PCDHA7: variants seen among roughly 807,000 people sequenced by gnomAD.
The protein encoded by PCDHA7 is protocadherin alpha-7.
A neutral mutation model predicts 57.2 loss-of-function variants in PCDHA7; 37 were observed. The observed-to-expected ratio is 0.65, with a 90% CI of 0.50 to 0.85. PCDHA7 has a LOEUF of 0.85. Among genes scored for constraint, PCDHA7 ranks in the 40% least tolerant of loss-of-function variants. The pLI is 0.00. For synonymous variants in PCDHA7, 553 were observed against 558.8 expected (o/e 0.99, Z 0.15); for missense variants, 1,188 against 1,241.8 (o/e 0.96, Z 0.65).
chr5:140,841,992 G>A (rs2150327070), intron 1 of PCDHA7: 8 of 1,613,646 alleles, frequency 5.0e-6, no homozygotes, highest in South Asian at 4.4e-5. Context: ...GAGCTCACAG[G>A]CACTGTTCAG....
At chr5:140,904,547 T>C (rs1313461939) in intron 1 of PCDHA7, among the ~76,000 whole-genome samples, 1 of 152,116 alleles carries the variant, frequency 6.6e-6, no homozygotes, top group African/African-American at 2.4e-5. Flanking sequence ...ATCTTTTTCA[T>C]ATAATGACTT....
chr5:140,988,491 AGG>A (rs2097299997), intron 3 of PCDHA7, among the ~76,000 whole-genome samples: 1 of 152,182 alleles, frequency 6.6e-6, no homozygotes, highest in Non-Finnish European at 1.5e-5. Context: ...TCCCCTACCT[AGG>A]AGAAGCCATG....
intron 1 of PCDHA7, chr5:140,857,926 C>T (rs1351185942): frequency 1.3e-6 from 2 of 1,597,606 alleles, no homozygotes; most frequent in Non-Finnish European, 1.7e-6. Flanking sequence ...TGGGGCTGTA[C>T]ACGGGCGAGA....
At position 140,834,387 on chromosome 5, in the gene PCDHA7, G is replaced by C; in HGVS notation, c.4G>C (p.Val2Leu). M[V>L]CPNGYDPGGR... is the part of the protein sequence containing the mutation. ...AAAAACAAGCCAATAATTTGAAATG[G>C]TGTGCCCGAATGGATACGACCCAGG... The change falls in exon 1 of 4, where the codon GTG becomes CTG. Residue 2 changes from valine (V) to leucine (L), a missense_variant. Physicochemically the swap from Val to Leu is conservative, Grantham distance 32. Transcript: ENST00000525929. 6.3e-7 allele frequency: 1 copy of C among 1,584,008 alleles called. No individual in the cohort carries two copies. The highest frequency in any genetic ancestry group is 1.2e-5 in the South Asian group (1 of 86,904).
intron 1 of PCDHA7, chr5:140,877,748 G>C: frequency 6.2e-7 from 1 of 1,614,188 alleles, no homozygotes; most frequent in Non-Finnish European, 8.5e-7. Flanking sequence ...CAGAGGGTGT[G>C]CTCTGCAGAG....
chr5:140,918,003 T>A (rs1223893662), intron 1 of PCDHA7, among the ~76,000 whole-genome samples: 1 of 152,216 alleles, frequency 6.6e-6, no homozygotes, highest in African/African-American at 2.4e-5. Flanking sequence ...ATCTTAACAA[T>A]GTTGTTTCTT....
At chr5:140,894,740 AT>A (rs1157881854) in intron 1 of PCDHA7, among the ~76,000 whole-genome samples, 3 of 150,972 alleles carry the variant, frequency 2.0e-5, no homozygotes, top group Non-Finnish European at 3.0e-5. Flanking sequence ...AATTTGTGGA[AT>A]TTTTTTTCTT....
At position 140,883,630 on chromosome 5, in the gene PCDHA7, G is replaced by A. The variant is rs1424400219; in HGVS notation, c.2355+46892G>A. Reference sequence around the variant, plus strand: ...CCGACGTGAACGACAACGCGCCGGCGTTCGCGCAGCCCGAGTACACGGTGT... The same window carrying A: ...CCGACGTGAACGACAACGCGCCGGCATTCGCGCAGCCCGAGTACACGGTGT... On this transcript the variant is annotated intron_variant, in intron 1 of 3. Coordinates refer to ENST00000525929, the MANE Select transcript of PCDHA7 (RefSeq NM_018910.3). 3 of 1,613,848 alleles carry A rather than the reference G, an allele frequency of 1.9e-6. No individual in the cohort carries two copies. In the African/African-American group the frequency reaches 4.0e-5, roughly 22 times the overall value.
intron 1 of PCDHA7, among the ~76,000 whole-genome samples, chr5:140,891,998 A>C (rs1336951985): frequency 2.6e-5 from 4 of 152,200 alleles, no homozygotes; most frequent in Non-Finnish European, 5.9e-5. Flanking sequence ...AGTCTGTGGC[A>C]TTCTGTTATA....
chr5:140,993,943 A>C (rs1055382423), intron 3 of PCDHA7, among the ~76,000 whole-genome samples: 1 of 152,220 alleles, frequency 6.6e-6, no homozygotes, highest in Admixed American at 6.5e-5. Flanking sequence ...CCCCATTGTT[A>C]AGTGATACAT....
chr5:140,918,621 T>C (rs1162983414), intron 1 of PCDHA7, among the ~76,000 whole-genome samples: 1 of 152,228 alleles, frequency 6.6e-6, no homozygotes, highest in Non-Finnish European at 1.5e-5. Flanking sequence ...AATGTTTGTG[T>C]TCCCCAAATT....
intron 1 of PCDHA7, chr5:140,967,750 C>A (rs782284231): frequency 1.4e-5 from 22 of 1,614,072 alleles, no homozygotes; most frequent in Non-Finnish European, 1.7e-6. Flanking sequence ...ATGAGGAAGC[C>A]TCCTCCTACC....
intron 1 of PCDHA7, among the ~76,000 whole-genome samples, chr5:140,956,797 G>T (rs1224324866): frequency 6.6e-6 from 1 of 152,040 alleles, no homozygotes; most frequent in Non-Finnish European, 1.5e-5. Flanking sequence ...TGCTTGGTGG[G>T]CTATTTATTA....
At chr5:140,954,520 A>G (rs1554221455) in intron 1 of PCDHA7, among the ~76,000 whole-genome samples, 1 of 152,192 alleles carries the variant, frequency 6.6e-6, no homozygotes, top group Admixed American at 6.6e-5. Context: ...CCTAATGATC[A>G]GTGATGTTGA....
intron 1 of PCDHA7, among the ~76,000 whole-genome samples, chr5:140,872,514 T>G (rs1223185665): frequency 1.3e-5 from 2 of 152,108 alleles, no homozygotes; most frequent in East Asian, 3.9e-4. Context: ...GTAGTCCCAG[T>G]TTCTTGGGAG....
intron 3 of PCDHA7, among the ~76,000 whole-genome samples, chr5:141,000,481 G>A (rs1475922134): frequency 1.5e-5 from 2 of 133,428 alleles, no homozygotes; most frequent in African/African-American, 2.8e-5. Context: ...AAGCTGGAGT[G>A]CAATGGTAAG....
chr5:140,871,371 G>A (rs948553844), intron 1 of PCDHA7: 1 of 1,614,202 alleles, frequency 6.2e-7, no homozygotes, highest in Non-Finnish European at 8.5e-7. Context: ...GGCGGCAGAG[G>A]GTGTGCTCTG....
intron 1 of PCDHA7, among the ~76,000 whole-genome samples, chr5:140,873,090 T>G (rs540850056): frequency 6.6e-6 from 1 of 152,198 alleles, no homozygotes; most frequent in Non-Finnish European, 1.5e-5. Context: ...CCCCCCCGTA[T>G]AGAGGCATAA....
At chr5:140,856,001 C>T (rs782376274) in intron 1 of PCDHA7, 7 of 1,515,190 alleles carry the variant, frequency 4.6e-6, no homozygotes, top group African/African-American at 1.4e-5. Context: ...ATCGTATGTG[C>T]GTTCTAGACC....
Sources: allele counts gnomAD v4.1 joint callset (sites outside exome capture counted in the v4.1 genomes callset), GRCh38; gene constraint gnomAD v4.1.1; transcripts MANE v1.5; gene names NCBI Gene and HGNC (gene_info 2026-07-23, HGNC 2026-07-21).